ZFHX3: variants seen among roughly 807,000 people sequenced by gnomAD.
ZFHX3 encodes zinc finger homeobox 3.
A neutral mutation model predicts 279.1 loss-of-function variants in ZFHX3; 42 were observed. The ratio of observed to expected loss-of-function variants is 0.15; its 90% CI spans 0.12 to 0.19. The LOEUF (loss-of-function observed/expected upper bound fraction) is 0.19, where lower values mean the gene tolerates loss of function less well. ZFHX3 is among the 10% of genes least tolerant of loss of function. The probability of loss-of-function intolerance (pLI) is 1.00; values close to 1 mark genes in which losing one functional copy is unlikely to be tolerated. For missense variants in ZFHX3, 4,981 were observed against 4,754.0 expected (o/e 1.05, Z -1.40); for synonymous variants, 2,293 against 1,957.8 (o/e 1.17, Z -4.52).
At chr16:72,908,204 G>C (rs1475322925) in intron 3 of ZFHX3, among the ~76,000 whole-genome samples, 1 of 152,158 alleles carries the variant, frequency 6.6e-6, no homozygotes, top group African/African-American at 2.4e-5. Context: ...CCTCCCTGGG[G>C]ATTGACACAC....
chr16:73,887,051 G>C (rs550309069), intron 1 of ZFHX3, among the ~76,000 whole-genome samples: 1 of 152,138 alleles, frequency 6.6e-6, no homozygotes, highest in Admixed American at 6.5e-5. Context: ...AATCCATATG[G>C]TCACCTGAGT....
intron 2 of ZFHX3, among the ~76,000 whole-genome samples, chr16:73,477,127 T>C (rs2018778735): frequency 6.6e-6 from 1 of 152,246 alleles, no homozygotes; most frequent in Admixed American, 6.5e-5. Flanking sequence ...AATCATGCTT[T>C]GTAGAAGAAT....
intron 4 of ZFHX3, among the ~76,000 whole-genome samples, chr16:72,843,490 G>A (rs1251741042): frequency 1.4e-5 from 2 of 145,368 alleles, no homozygotes; most frequent in Non-Finnish European, 3.0e-5. Flanking sequence ...CATCCAGCCT[G>A]GGCGACAGAG....
chr16:73,538,148 C>T (rs769754358), intron 2 of ZFHX3, among the ~76,000 whole-genome samples: 13 of 152,146 alleles, frequency 8.5e-5, no homozygotes, highest in Non-Finnish European at 1.6e-4. Flanking sequence ...CACCTCATCA[C>T]GGCAGCACAT....
At chr16:73,223,384 C>T (rs2012486182) in intron 5 of ZFHX3, among the ~76,000 whole-genome samples, 1 of 152,088 alleles carries the variant, frequency 6.6e-6, no homozygotes, top group Admixed American at 6.6e-5. Context: ...TAGGAAACAA[C>T]AGTCTAATTA....
intron 3 of ZFHX3, among the ~76,000 whole-genome samples, chr16:73,331,706 C>T (rs545345927): frequency 6.6e-5 from 10 of 152,262 alleles, no homozygotes; most frequent in African/African-American, 9.6e-5. Context: ...CACATTTGTA[C>T]GCCAGTTCTG....
intron 1 of ZFHX3, among the ~76,000 whole-genome samples, chr16:73,886,643 C>T (rs2030354893): frequency 6.6e-6 from 1 of 152,172 alleles, no homozygotes; most frequent in Non-Finnish European, 1.5e-5. Flanking sequence ...GCGACACTGA[C>T]CATTAATCTA....
intron 3 of ZFHX3, among the ~76,000 whole-genome samples, chr16:73,343,806 T>C (rs1184197507): frequency 6.6e-6 from 1 of 152,192 alleles, no homozygotes; most frequent in Admixed American, 6.5e-5. Context: ...AAATAAATCA[T>C]GATGGTAATG....
intron 2 of ZFHX3, among the ~76,000 whole-genome samples, chr16:73,650,434 C>T (rs2052660059): frequency 6.6e-6 from 1 of 152,012 alleles, no homozygotes; most frequent in South Asian, 2.1e-4. Context: ...AAGTGCTACC[C>T]CCAGCCCTCC....
In ZFHX3 at chr16:73,724,295, A is replaced by G. The variant is rs1194689033; in HGVS notation, c.-1607-44055T>C. On this transcript the variant is annotated intron_variant, in intron 1 of 17. Coordinates refer to the ZFHX3 transcript ENST00000641206. ...CAGCAATTCTAATTTGGAGACTACT[A>G]ATGAATACATGACTTATTTCTACTG... Among the ~76,000 whole-genome samples, 4 of 152,254 alleles carry G rather than the reference A, an allele frequency of 2.6e-5. No homozygotes were observed. The South Asian group carries it at 6.2e-4, about 24-fold the overall frequency.
intron 1 of ZFHX3, among the ~76,000 whole-genome samples, chr16:73,688,625 T>C (rs1028427012): frequency 6.6e-6 from 1 of 152,128 alleles, no homozygotes; most frequent in Non-Finnish European, 1.5e-5. Flanking sequence ...CCTAAAACTG[T>C]AAGCAACACA....
At chr16:73,037,063 T>C (rs916360322) in intron 1 of ZFHX3, among the ~76,000 whole-genome samples, 10 of 152,068 alleles carry the variant, frequency 6.6e-5, no homozygotes, top group Admixed American at 6.6e-5. Flanking sequence ...CCATCAACTA[T>C]ACCTTGTCAA....
At chr16:72,933,418 T>C (rs1959929191) in intron 3 of ZFHX3, among the ~76,000 whole-genome samples, 1 of 152,048 alleles carries the variant, frequency 6.6e-6, no homozygotes, top group South Asian at 2.1e-4. Flanking sequence ...ATTTCACCAT[T>C]AGGTTTTAGT....
At chr16:73,238,284 C>T (rs895889502) in intron 5 of ZFHX3, among the ~76,000 whole-genome samples, 1 of 152,114 alleles carries the variant, frequency 6.6e-6, no homozygotes, top group Non-Finnish European at 1.5e-5. Flanking sequence ...CATCTATAGG[C>T]TGATCATCAA....
chr16:72,933,202 C>T (rs774584312), intron 3 of ZFHX3, among the ~76,000 whole-genome samples: 15 of 152,126 alleles, frequency 9.9e-5, no homozygotes, highest in Non-Finnish European at 2.1e-4. Flanking sequence ...AGCTTGAGCG[C>T]TCTTAACCAG....
intron 3 of ZFHX3, among the ~76,000 whole-genome samples, chr16:73,384,575 C>G (rs1053468835): frequency 6.6e-6 from 1 of 152,210 alleles, no homozygotes; most frequent in Non-Finnish European, 1.5e-5. Flanking sequence ...GAACTTGGCC[C>G]TGCAGTATCA....
intron 1 of ZFHX3, among the ~76,000 whole-genome samples, chr16:73,835,515 G>T (rs1004832262): frequency 1.7e-5 from 2 of 114,892 alleles, no homozygotes; most frequent in Non-Finnish European, 3.3e-5. Context: ...TTGTCATCAA[G>T]GCTGGAGTGC....
At chr16:73,685,844 T>C (rs925901397) in intron 1 of ZFHX3, among the ~76,000 whole-genome samples, 2 of 152,122 alleles carry the variant, frequency 1.3e-5, no homozygotes, top group African/African-American at 4.8e-5. Flanking sequence ...CACCCGACAA[T>C]GTGAGATCCA....
At chr16:73,086,332 A>G (rs1234456175) in intron 8 of ZFHX3, among the ~76,000 whole-genome samples, 1 of 152,234 alleles carries the variant, frequency 6.6e-6, no homozygotes, top group Non-Finnish European at 1.5e-5. Context: ...TAGAACTACC[A>G]TATGATCTGA....
Sources: allele counts gnomAD v4.1 joint callset (sites outside exome capture counted in the v4.1 genomes callset), GRCh38; gene constraint gnomAD v4.1.1; transcripts MANE v1.5; gene names NCBI Gene and HGNC (gene_info 2026-07-23, HGNC 2026-07-21).